NFIB: variants seen among roughly 807,000 people sequenced by gnomAD.
NFIB encodes nuclear factor I B, also known as nuclear factor 1 B-type.
Under a neutral mutation model 61.5 loss-of-function variants are expected in NFIB, and 11 were observed. That is an observed-to-expected ratio of 0.18 (90% confidence interval 0.11 to 0.30). The LOEUF is 0.30. Among genes scored for constraint, NFIB ranks in the 10% least tolerant of loss-of-function variants. The pLI is 1.00. For missense variants in NFIB, 471 were observed against 608.9 expected (o/e 0.77, Z 2.38); for synonymous variants, 260 against 216.5 (o/e 1.20, Z -1.76).
At chr9:14,351,448 C>A (rs1016631820) in intron 1 of NFIB, among the ~76,000 whole-genome samples, 1 of 152,190 alleles carries the variant, frequency 6.6e-6, no homozygotes, top group Non-Finnish European at 1.5e-5. Flanking sequence ...TTGAATCACA[C>A]CCCTTCTGCC....
At chr9:14,174,223 C>G (rs1169307370) in intron 3 of NFIB, among the ~76,000 whole-genome samples, 1 of 152,096 alleles carries the variant, frequency 6.6e-6, no homozygotes, top group African/African-American at 2.4e-5. Context: ...AGACCTCATT[C>G]TCAAATTACT....
At chr9:14,287,663 G>A (rs547388455) in intron 2 of NFIB, among the ~76,000 whole-genome samples, 3 of 151,816 alleles carry the variant, frequency 2.0e-5, no homozygotes, top group African/African-American at 4.8e-5. Flanking sequence ...CTCGTGATCC[G>A]CCTGCCTCAG....
chr9:14,446,706 T>C, the NFIB span, among the ~76,000 whole-genome samples: 4 of 152,170 alleles, frequency 2.6e-5, no homozygotes, highest in Admixed American at 1.3e-4. Flanking sequence ...CCATACTAGC[T>C]ACATAAATAT....
intron 2 of NFIB, among the ~76,000 whole-genome samples, chr9:14,243,847 C>G (rs2054603568): frequency 6.6e-6 from 1 of 152,174 alleles, no homozygotes. Context: ...AGGATCCTTG[C>G]TGCTGGAGGG....
At position 14,136,327 on chromosome 9, in the gene NFIB, G is replaced by A. The variant is rs530165548; in HGVS notation, c.925+10362C>T. On this transcript the variant is annotated intron_variant, in intron 6 of 10. Coordinates refer to ENST00000380953, the MANE Select transcript of NFIB (RefSeq NM_001190737.2). ...TATGCAGGACTTGGAGCATATTTTC[G>A]TCACTTATTAAACACTGGCATAGGT... 2.0e-4 allele frequency among the ~76,000 whole-genome samples: 31 copies of A among 152,140 alleles called. No individual in the cohort carries two copies. The Middle Eastern group carries it at 0.017, about 83-fold the overall frequency.
chr9:14,315,304 G>A (rs1426318936), upstream of NFIB, among the ~76,000 whole-genome samples: 1 of 151,048 alleles, frequency 6.6e-6, no homozygotes, highest in Non-Finnish European at 1.5e-5. Context: ...CGCCCTCCCC[G>A]GGGGTGCCCC....
chr9:14,381,484 C>A (rs118106412), intron 1 of NFIB, among the ~76,000 whole-genome samples: 1 of 152,224 alleles, frequency 6.6e-6, no homozygotes, highest in African/African-American at 2.4e-5. Flanking sequence ...AGCCACCACA[C>A]TTGCCTGAAA....
intron 2 of NFIB, among the ~76,000 whole-genome samples, chr9:14,287,919 A>G (rs932601372): frequency 2.6e-5 from 4 of 152,114 alleles, no homozygotes; most frequent in African/African-American, 9.6e-5. Flanking sequence ...GTCTGACAAT[A>G]AAACATACCT....
intron 2 of NFIB, among the ~76,000 whole-genome samples, chr9:14,260,902 T>C (rs1404087710): frequency 2.0e-5 from 3 of 152,050 alleles, no homozygotes; most frequent in Non-Finnish European, 4.4e-5. Context: ...AGCCACATCA[T>C]TGGTTCTTGC....
chr9:14,382,143 C>T (rs1004442299), intron 1 of NFIB, among the ~76,000 whole-genome samples: 5 of 152,176 alleles, frequency 3.3e-5, no homozygotes, highest in Non-Finnish European at 7.3e-5. Flanking sequence ...AGTAGGTACC[C>T]AGTCACTACT....
intron 1 of NFIB, among the ~76,000 whole-genome samples, chr9:14,342,021 A>G (rs1291832547): frequency 6.6e-6 from 1 of 151,728 alleles, no homozygotes; most frequent in Non-Finnish European, 1.5e-5. Flanking sequence ...GTTGTGGGTC[A>G]GGACAATAGT....
At chr9:14,209,365 T>G (rs527962635) in intron 2 of NFIB, among the ~76,000 whole-genome samples, 6 of 152,280 alleles carry the variant, frequency 3.9e-5, no homozygotes, top group Non-Finnish European at 7.4e-5. Context: ...GACTCAACAT[T>G]TATTAGAAGG....
chr9:14,106,547 G>T (rs958352547), intron 10 of NFIB, among the ~76,000 whole-genome samples: 1 of 152,034 alleles, frequency 6.6e-6, no homozygotes, highest in Admixed American at 6.6e-5. Flanking sequence ...CTTGTTCCTG[G>T]CCCAGTTCAA....
chr9:14,206,319 G>T (rs2049705689), intron 2 of NFIB, among the ~76,000 whole-genome samples: 1 of 151,762 alleles, frequency 6.6e-6, no homozygotes, highest in Admixed American at 6.6e-5. Flanking sequence ...TAGGACCACA[G>T]ATGCACCTGG....
chr9:14,121,203 G>C (rs1268429405), intron 7 of NFIB, among the ~76,000 whole-genome samples: 1 of 152,240 alleles, frequency 6.6e-6, no homozygotes, highest in East Asian at 1.9e-4. Flanking sequence ...GACGGAGGTT[G>C]CAGTGAGCCG....
At chr9:14,166,731 T>A (rs1444197569) in intron 3 of NFIB, among the ~76,000 whole-genome samples, 1 of 152,178 alleles carries the variant, frequency 6.6e-6, no homozygotes, top group Non-Finnish European at 1.5e-5. Context: ...CTCATCATCT[T>A]AACCTCTGTG....
chr9:14,454,728 A>G, the NFIB span, among the ~76,000 whole-genome samples: 82 of 152,328 alleles, frequency 5.4e-4, no homozygotes, highest in African/African-American at 1.9e-3. Context: ...TGTACCTTTC[A>G]CTGCAGAATC....
At chr9:14,187,005 C>CTG (rs762584581) in intron 2 of NFIB, among the ~76,000 whole-genome samples, 1,809 of 64,052 alleles carry the variant, frequency 0.028, 70 homozygotes, top group South Asian at 0.2. Context: ...TTCTTCGCTC[C>CTG]TGTGTGTGTG....
At chr9:14,092,939 A>G (rs921832381) in intron 10 of NFIB, among the ~76,000 whole-genome samples, 5 of 152,066 alleles carry the variant, frequency 3.3e-5, no homozygotes, top group African/African-American at 1.2e-4. Flanking sequence ...AGTGAAAGAA[A>G]GGCAGAAATT....
Sources: allele counts gnomAD v4.1 joint callset (sites outside exome capture counted in the v4.1 genomes callset), GRCh38; gene constraint gnomAD v4.1.1; transcripts MANE v1.5; gene names NCBI Gene and HGNC (gene_info 2026-07-23, HGNC 2026-07-21).